Variants in RPS6KC1 observed in about 807,000 individuals in gnomAD.
The protein encoded by RPS6KC1 is ribosomal protein S6 kinase C1, also known as inactive ribosomal protein S6 kinase delta-1.
In RPS6KC1, 54 loss-of-function variants were observed where a neutral mutation model predicts 103.8. That is an observed-to-expected ratio of 0.52 (90% CI 0.42 to 0.65). RPS6KC1 has a LOEUF of 0.65. RPS6KC1 is among the 30% of genes least tolerant of loss of function. The probability of loss-of-function intolerance (pLI) is 0.00; values close to 1 mark genes in which losing one functional copy is unlikely to be tolerated. For missense variants in RPS6KC1, 1,151 were observed against 1,253.8 expected (o/e 0.92, Z 1.24); for synonymous variants, 439 against 438.7 (o/e 1.00, Z -0.01).
the RPS6KC1 span, among the ~76,000 whole-genome samples, chr1:213,610,264 A>C: frequency 6.6e-6 from 1 of 152,194 alleles, no homozygotes; most frequent in Non-Finnish European, 1.5e-5. Flanking sequence ...ATTGGAAGCC[A>C]TTCCAAATGT....
intron 10 of RPS6KC1, among the ~76,000 whole-genome samples, chr1:213,232,908 A>G (rs1360886926): frequency 3.9e-5 from 6 of 152,178 alleles, no homozygotes; most frequent in Admixed American, 2.6e-4. Context: ...GGATGACTGA[A>G]AACAGCATAT....
chr1:213,718,761 G>A, the RPS6KC1 span, among the ~76,000 whole-genome samples: 2 of 152,188 alleles, frequency 1.3e-5, no homozygotes, highest in Admixed American at 6.5e-5. Context: ...TTTGGGGGAG[G>A]AGGTGCTTCT....
chr1:213,230,045 G>A (rs956711520), intron 8 of RPS6KC1, among the ~76,000 whole-genome samples: 2 of 152,172 alleles, frequency 1.3e-5, no homozygotes, highest in African/African-American at 4.8e-5. Context: ...AATCCAGGGT[G>A]AAGAGATACC....
the RPS6KC1 span, among the ~76,000 whole-genome samples, chr1:213,481,960 T>C: frequency 6.6e-6 from 1 of 152,222 alleles, no homozygotes; most frequent in African/African-American, 2.4e-5. Flanking sequence ...TGAGTTATCG[T>C]GAGATCTGGC....
At chr1:213,691,952 A>G in the RPS6KC1 span, among the ~76,000 whole-genome samples, 1 of 152,246 alleles carries the variant, frequency 6.6e-6, no homozygotes, top group South Asian at 2.1e-4. Context: ...ACCTGCTTGC[A>G]CTTTCTCTGA....
the RPS6KC1 span, among the ~76,000 whole-genome samples, chr1:213,794,839 G>A: frequency 6.6e-6 from 1 of 152,094 alleles, no homozygotes; most frequent in Non-Finnish European, 1.5e-5. Flanking sequence ...CTATTTAATT[G>A]GAAGCTTTAG....
the RPS6KC1 span, among the ~76,000 whole-genome samples, chr1:213,653,645 T>G: frequency 6.6e-6 from 1 of 152,224 alleles, no homozygotes; most frequent in Non-Finnish European, 1.5e-5. Context: ...TTTGTGTAAT[T>G]AATTGATCAT....
the RPS6KC1 span, among the ~76,000 whole-genome samples, chr1:213,786,674 G>T: frequency 6.6e-6 from 1 of 152,204 alleles, no homozygotes; most frequent in Non-Finnish European, 1.5e-5. Flanking sequence ...TTTGATGCAT[G>T]CATGAATGGA....
chr1:213,102,428 AG>A (rs1328689682), intron 3 of RPS6KC1, among the ~76,000 whole-genome samples: 1 of 152,152 alleles, frequency 6.6e-6, no homozygotes, highest in South Asian at 2.1e-4. Flanking sequence ...TCTTCTTGAA[AG>A]GGGGAAGGGA....
At chr1:213,178,718 CTTT>C (rs960291541) in intron 8 of RPS6KC1, among the ~76,000 whole-genome samples, 1 of 146,040 alleles carries the variant, frequency 6.8e-6, no homozygotes, top group Non-Finnish European at 1.5e-5. Flanking sequence ...TGACATTTAA[CTTT>C]TTTTTTTTTA....
At chr1:213,713,476 A>G in the RPS6KC1 span, among the ~76,000 whole-genome samples, 5 of 152,132 alleles carry the variant, frequency 3.3e-5, no homozygotes, top group Non-Finnish European at 7.4e-5. Context: ...AGTATTGTTC[A>G]TTGCTTATCA....
chr1:213,266,103 G>A (rs2094906364), intron 14 of RPS6KC1, among the ~76,000 whole-genome samples: 1 of 152,050 alleles, frequency 6.6e-6, no homozygotes, highest in African/African-American at 2.4e-5. Flanking sequence ...ATTATTGATA[G>A]GACAGTGACG....
chr1:213,361,651 G>C, the RPS6KC1 span, among the ~76,000 whole-genome samples: 2 of 152,350 alleles, frequency 1.3e-5, no homozygotes, highest in African/African-American at 2.4e-5. Flanking sequence ...AGGAGCTGTA[G>C]ACTGGAGCTG....
At chr1:213,172,711 G>T (rs1329994501) in intron 7 of RPS6KC1, among the ~76,000 whole-genome samples, 10 of 152,204 alleles carry the variant, frequency 6.6e-5, no homozygotes, top group Non-Finnish European at 1.2e-4. Context: ...GATTAACAGA[G>T]ATGCCTGCCG....
At chr1:213,180,677 C>CT (rs1348486705) in intron 8 of RPS6KC1, among the ~76,000 whole-genome samples, 1 of 152,102 alleles carries the variant, frequency 6.6e-6, no homozygotes, top group Non-Finnish European at 1.5e-5. Context: ...AAAAAAAACT[C>CT]TGATGGGATG....
At chr1:213,818,723 C>T in the RPS6KC1 span, 1 of 152,184 alleles carries the variant, frequency 6.6e-6, no homozygotes, top group Non-Finnish European at 1.5e-5. Context: ...TTTTCTCTTC[C>T]CTGCACAGAT....
the RPS6KC1 span, among the ~76,000 whole-genome samples, chr1:213,740,557 A>G: frequency 6.6e-6 from 1 of 152,018 alleles, no homozygotes; most frequent in Non-Finnish European, 1.5e-5. Flanking sequence ...CATCTAATAG[A>G]GACCAGGGTC....
the RPS6KC1 span, among the ~76,000 whole-genome samples, chr1:213,576,219 T>A: frequency 6.6e-6 from 1 of 152,016 alleles, no homozygotes; most frequent in African/African-American, 2.4e-5. Flanking sequence ...ATAAAAATAA[T>A]AATACAACAA....
intron 8 of RPS6KC1, among the ~76,000 whole-genome samples, chr1:213,197,836 G>A (rs372903836): frequency 6.6e-6 from 1 of 152,178 alleles, no homozygotes; most frequent in South Asian, 2.1e-4. Flanking sequence ...TTAAATTTAT[G>A]TGCGTCCGTA....
Sources: gnomAD v4.1 joint callset for allele counts (sites outside exome capture counted in the v4.1 genomes callset) on GRCh38, gnomAD v4.1.1 for gene constraint, MANE v1.5 for transcripts, NCBI Gene and HGNC (gene_info 2026-07-23, HGNC 2026-07-21) for gene names.